The following MACROD2 variants were observed in gnomAD, a reference collection of about 807,000 sequenced individuals.
MACROD2 encodes mono-ADP ribosylhydrolase 2.
Under a neutral mutation model 70.4 loss-of-function variants are expected in MACROD2, and 36 were observed. The observed-to-expected ratio is 0.51, with a 90% CI of 0.39 to 0.68. The LOEUF is 0.68. Among genes scored for constraint, MACROD2 ranks in the 30% least tolerant of loss-of-function variants. The probability of loss-of-function intolerance (pLI) is 0.00; values close to 1 mark genes in which losing one functional copy is unlikely to be tolerated. For missense variants in MACROD2, 496 were observed against 538.4 expected (o/e 0.92, Z 0.78); for synonymous variants, 172 against 178.8 (o/e 0.96, Z 0.30).
chr20:15,832,301 T>TG (rs2064065197), intron 8 of MACROD2, among the ~76,000 whole-genome samples: 1 of 152,172 alleles, frequency 6.6e-6, no homozygotes, highest in Admixed American at 6.5e-5. Context: ...TGATCCTCTT[T>TG]GGGGATACTG....
chr20:14,916,625 A>C (rs1474600202), intron 5 of MACROD2, among the ~76,000 whole-genome samples: 1 of 152,216 alleles, frequency 6.6e-6, no homozygotes, highest in African/African-American at 2.4e-5. Context: ...GAGTGCATAG[A>C]TGATAAATAT....
chr20:14,248,927 C>T (rs183927992), intron 3 of MACROD2, among the ~76,000 whole-genome samples: 2 of 152,130 alleles, frequency 1.3e-5, no homozygotes, highest in Non-Finnish European at 1.5e-5. Context: ...TCATTGGTCA[C>T]TTAGGAAACA....
chr20:15,275,204 A>G (rs2077380069), intron 6 of MACROD2, among the ~76,000 whole-genome samples: 1 of 152,214 alleles, frequency 6.6e-6, no homozygotes. Flanking sequence ...TTTAAAAACC[A>G]AACTAAACCA....
At chr20:15,544,163 C>G (rs933196916) in intron 8 of MACROD2, among the ~76,000 whole-genome samples, 6 of 152,138 alleles carry the variant, frequency 3.9e-5, no homozygotes, top group African/African-American at 1.4e-4. Flanking sequence ...CACCTCACAG[C>G]GTCTAGACTC....
intron 5 of MACROD2, among the ~76,000 whole-genome samples, chr20:14,867,157 T>C (rs2073436959): frequency 6.6e-6 from 1 of 152,146 alleles, no homozygotes. Flanking sequence ...AATACTGAGT[T>C]CCTGGAGAAA....
At chr20:14,909,904 T>G (rs901809351) in intron 5 of MACROD2, among the ~76,000 whole-genome samples, 5 of 152,182 alleles carry the variant, frequency 3.3e-5, no homozygotes, top group Non-Finnish European at 2.9e-5. Context: ...GTAATTACAA[T>G]TTCTTGAACT....
At chr20:15,679,725 G>C (rs970503839) in intron 8 of MACROD2, among the ~76,000 whole-genome samples, 5 of 152,124 alleles carry the variant, frequency 3.3e-5, no homozygotes, top group African/African-American at 9.7e-5. Context: ...ACATAGAGGA[G>C]AGTCAAGGAG....
intron 5 of MACROD2, among the ~76,000 whole-genome samples, chr20:14,707,479 C>T (rs922375682): frequency 6.6e-6 from 1 of 152,130 alleles, no homozygotes; most frequent in African/African-American, 2.4e-5. Flanking sequence ...GTCCTGCCTC[C>T]CTCTAGAACA....
chr20:15,995,358 AT>A (rs869089170), intron 15 of MACROD2, among the ~76,000 whole-genome samples: 2 of 144,112 alleles, frequency 1.4e-5, no homozygotes, highest in East Asian at 2.0e-4. Flanking sequence ...TATTATTATT[AT>A]TTTTTTTGGA....
intron 2 of MACROD2, among the ~76,000 whole-genome samples, chr20:14,007,120 G>A (rs572823575): frequency 3.3e-4 from 50 of 152,112 alleles, no homozygotes; most frequent in African/African-American, 1.1e-3. Context: ...GATCCATTAC[G>A]TTATTAGGGG....
chr20:16,037,094 GCCAA>G (rs2067246568), intron 15 of MACROD2, among the ~76,000 whole-genome samples: 1 of 151,882 alleles, frequency 6.6e-6, no homozygotes, highest in Non-Finnish European at 1.5e-5. Context: ...ACTAATCTAT[GCCAA>G]TACTGTGGCA....
intron 5 of MACROD2, among the ~76,000 whole-genome samples, chr20:14,728,985 T>C (rs974342519): frequency 5.3e-5 from 8 of 152,134 alleles, no homozygotes; most frequent in Admixed American, 4.6e-4. Flanking sequence ...CATAGTAATA[T>C]GCCTGTGTTT....
intron 5 of MACROD2, among the ~76,000 whole-genome samples, chr20:14,862,669 AT>A (rs2073381298): frequency 1.1e-4 from 4 of 35,012 alleles, no homozygotes; most frequent in African/African-American, 4.9e-4. Flanking sequence ...ATATATATAA[AT>A]ATATATAAAT....
intron 3 of MACROD2, among the ~76,000 whole-genome samples, chr20:14,313,496 G>T (rs1192917085): frequency 6.7e-6 from 1 of 149,286 alleles, no homozygotes; most frequent in African/African-American, 2.5e-5. Flanking sequence ...GGCATCTATG[G>T]TTACCTCTTT....
chr20:14,976,546 C>T lies in MACROD2; in HGVS notation c.419-253394C>T, dbSNP rs189494484. On this transcript the variant is annotated intron_variant, in intron 5 of 17. Transcript: ENST00000684519. ...CCCCACTGCAAGGTCTTTAGCTTAA[C>T]CCAATCTGCAGTGTCCCTTTCGCAT... Among the ~76,000 whole-genome samples the T allele has an allele frequency of 1.8e-4, 27 of 152,262 alleles. 1 individual carries two copies. Among genetic ancestry groups the T allele is most frequent in the African/African-American group, 6.3e-4 (26 of 41,556 alleles).
intron 8 of MACROD2, among the ~76,000 whole-genome samples, chr20:15,615,349 C>T (rs2049023049): frequency 6.6e-6 from 1 of 152,128 alleles, no homozygotes. Context: ...AAACCATTTC[C>T]AGGTTTTCAC....
chr20:15,556,196 C>T (rs2048167027), intron 8 of MACROD2, among the ~76,000 whole-genome samples: 1 of 152,154 alleles, frequency 6.6e-6, no homozygotes, highest in South Asian at 2.1e-4. Flanking sequence ...CAGTTTTACC[C>T]ATCTGTCTAG....
intron 5 of MACROD2, among the ~76,000 whole-genome samples, chr20:14,959,186 C>T (rs2074562425): frequency 6.6e-6 from 1 of 152,096 alleles, no homozygotes; most frequent in Non-Finnish European, 1.5e-5. Flanking sequence ...GGCTGGAGTG[C>T]AGTAGCGCAA....
chr20:14,184,524 T>C (rs937014209), intron 3 of MACROD2, among the ~76,000 whole-genome samples: 4 of 151,976 alleles, frequency 2.6e-5, no homozygotes, highest in Non-Finnish European at 4.4e-5. Context: ...TTTTTTTGGT[T>C]CCATATGAAT....
Sources: allele counts gnomAD v4.1 joint callset (sites outside exome capture counted in the v4.1 genomes callset), GRCh38; gene constraint gnomAD v4.1.1; transcripts MANE v1.5; gene names NCBI Gene and HGNC (gene_info 2026-07-23, HGNC 2026-07-21).